Variants in RBMS1 observed in about 807,000 individuals in gnomAD.
The protein encoded by RBMS1 is RNA-binding motif, single-stranded-interacting protein 1.
In RBMS1, 17 loss-of-function variants were observed where a neutral mutation model predicts 62.3. That is an observed-to-expected ratio of 0.27 (90% CI 0.19 to 0.41). The LOEUF is 0.41. RBMS1 is among the 10% of genes least tolerant of loss of function. The probability of loss-of-function intolerance (pLI) is 1.00; values close to 1 mark genes in which losing one functional copy is unlikely to be tolerated. For missense variants in RBMS1, 334 were observed against 504.5 expected (o/e 0.66, Z 3.24); for synonymous variants, 172 against 170.0 (o/e 1.01, Z -0.09).
intron 2 of RBMS1, among the ~76,000 whole-genome samples, chr2:160,330,545 T>C (rs72972869): frequency 0.048 from 7,314 of 151,770 alleles, 291 homozygotes; most frequent in South Asian, 0.19. Flanking sequence ...ATAGGTCTTA[T>C]ACATAAGTTC....
rs375381903 is a variant in RBMS1, at chr2:160,367,408, A to G, written c.76-17T>C. The G allele has an allele frequency of 1.7e-5, 28 of 1,613,978 alleles. No individual in the cohort carries two copies. Among genetic ancestry groups the G allele is most frequent in the Non-Finnish European group, 2.3e-5 (27 of 1,179,872 alleles). ...CAGAGACTGCTGGAAAACAAAGATC[A>G]GGAGCCTTAGTATGCTAGCATTAGG... On this transcript the variant is annotated splice_polypyrimidine_tract_variant and intron_variant, in intron 1 of 13. Transcript: ENST00000348849.
In RBMS1 at chr2:160,382,475, T is replaced by G. The variant is rs751424237; in HGVS notation, c.76-15084A>C. ...CAAGAATTATAATTCAGAAAAAAATTTGAGTCCTAATAATCTTATTACCTT... is the reference window on the plus strand; with the variant it reads ...CAAGAATTATAATTCAGAAAAAAATGTGAGTCCTAATAATCTTATTACCTT... On this transcript the variant is annotated intron_variant, in intron 1 of 13. Coordinates refer to ENST00000348849, the MANE Select transcript of RBMS1 (RefSeq NM_016836.4). Among the ~76,000 whole-genome samples, 12 of 152,200 alleles carry G rather than the reference T, an allele frequency of 7.9e-5. 2 individuals are homozygous for G. The highest frequency in any genetic ancestry group is 5.2e-4 in the Admixed American group (8 of 15,276).
chr2:160,316,888 C>T (rs1276167683), intron 3 of RBMS1, among the ~76,000 whole-genome samples: 1 of 152,070 alleles, frequency 6.6e-6, no homozygotes, highest in Non-Finnish European at 1.5e-5. Context: ...GTCTATTTTT[C>T]TTTATAAAAC....
At chr2:160,355,155 G>A (rs1692726507) in intron 2 of RBMS1, among the ~76,000 whole-genome samples, 1 of 152,074 alleles carries the variant, frequency 6.6e-6, no homozygotes, top group South Asian at 2.1e-4. Flanking sequence ...ATTAAGTATT[G>A]GAGATCACTG....
chr2:160,435,366 A>G (rs915797741), intron 1 of RBMS1, among the ~76,000 whole-genome samples: 15 of 152,276 alleles, frequency 9.9e-5, no homozygotes, highest in Non-Finnish European at 1.9e-4. Flanking sequence ...GTAGGTGGAG[A>G]AGAAATTATT....
At chr2:160,357,679 G>A (rs573783747) in intron 2 of RBMS1, among the ~76,000 whole-genome samples, 4 of 152,096 alleles carry the variant, frequency 2.6e-5, no homozygotes, top group Non-Finnish European at 5.9e-5. Context: ...AGCCAGTGAA[G>A]AAGCATAGCC....
At chr2:160,426,285 GAAAGAA>G (rs1682598883) in intron 1 of RBMS1, among the ~76,000 whole-genome samples, 1 of 100,138 alleles carries the variant, frequency 1.0e-5, no homozygotes, top group Non-Finnish European at 2.0e-5. Flanking sequence ...AAGAAAGAAA[GAAAGAA>G]AAGAAAGAAG....
At chr2:160,382,093 A>G (rs984481440) in intron 1 of RBMS1, among the ~76,000 whole-genome samples, 1 of 152,170 alleles carries the variant, frequency 6.6e-6, no homozygotes, top group East Asian at 1.9e-4. Context: ...ACTAAGCTTT[A>G]TGTGTTTGGT....
chr2:160,350,206 G>A (rs1692421599), intron 2 of RBMS1, among the ~76,000 whole-genome samples: 1 of 152,000 alleles, frequency 6.6e-6, no homozygotes, highest in Non-Finnish European at 1.5e-5. Flanking sequence ...AGCACTCCGA[G>A]GACCCTGCTG....
chr2:160,470,779 C>T (rs1684884226), intron 1 of RBMS1, among the ~76,000 whole-genome samples: 1 of 152,072 alleles, frequency 6.6e-6, no homozygotes, highest in Non-Finnish European at 1.5e-5. Flanking sequence ...GTATGACCAA[C>T]CTATGAATCC....
chr2:160,489,761 C>T (rs1285122360), intron 1 of RBMS1, among the ~76,000 whole-genome samples: 1 of 152,016 alleles, frequency 6.6e-6, no homozygotes, highest in East Asian at 1.9e-4. Context: ...AATACTTCTT[C>T]ATACACAAAA....
chr2:160,467,858 G>A (rs1684756982), intron 1 of RBMS1, among the ~76,000 whole-genome samples: 1 of 152,064 alleles, frequency 6.6e-6, no homozygotes, highest in African/African-American at 2.4e-5. Context: ...GAAACAGCAA[G>A]TAGACATGTA....
At chr2:160,283,521 A>G (rs944729712) in intron 9 of RBMS1, 1 of 152,254 alleles carries the variant, frequency 6.6e-6, no homozygotes, top group African/African-American at 2.4e-5. Flanking sequence ...AGGAGGCTGT[A>G]AGAGCCTAGA....
intron 1 of RBMS1, among the ~76,000 whole-genome samples, chr2:160,481,820 A>G (rs1373463223): frequency 6.6e-6 from 1 of 152,226 alleles, no homozygotes; most frequent in Admixed American, 6.5e-5. Context: ...TCCACTCACC[A>G]GAAGGGCTAA....
chr2:160,472,482 A>T (rs1411779859), intron 1 of RBMS1, among the ~76,000 whole-genome samples: 1 of 152,234 alleles, frequency 6.6e-6, no homozygotes, highest in Non-Finnish European at 1.5e-5. Flanking sequence ...AACTAACTTT[A>T]ACAAAATATG....
intron 2 of RBMS1, among the ~76,000 whole-genome samples, chr2:160,355,988 T>A (rs1175333898): frequency 6.6e-6 from 1 of 152,132 alleles, no homozygotes; most frequent in African/African-American, 2.4e-5. Context: ...AGTGTCTTGA[T>A]CTTATGTTTT....
chr2:160,310,244 T>G (rs1389459746), intron 4 of RBMS1, among the ~76,000 whole-genome samples: 1 of 152,224 alleles, frequency 6.6e-6, no homozygotes, highest in Non-Finnish European at 1.5e-5. Context: ...TGTGCACACA[T>G]ATAACAAATG....
At chr2:160,361,428 A>G (rs1308182026) in intron 2 of RBMS1, among the ~76,000 whole-genome samples, 1 of 152,234 alleles carries the variant, frequency 6.6e-6, no homozygotes, top group Non-Finnish European at 1.5e-5. Context: ...ATGAGCAATA[A>G]TCAGGGGTGG....
rs559711592 is a variant in RBMS1 at position 160,453,623 on chromosome 2, C to T, written c.75+39666G>A. On this transcript the variant is annotated intron_variant, in intron 1 of 13. Transcript: ENST00000348849. ...CCCCTCACTCAACAATGCATTGCCA[C>T]CACTCCAGCATCATGTTTCTCAAAC... 2.2e-4 allele frequency among the ~76,000 whole-genome samples: 34 copies of T among 152,284 alleles called. No individual in the cohort carries two copies. In the South Asian group the frequency reaches 6.8e-3, roughly 31 times the overall value.
Sources: gnomAD v4.1 joint callset for allele counts (sites outside exome capture counted in the v4.1 genomes callset) on GRCh38, gnomAD v4.1.1 for gene constraint, MANE v1.5 for transcripts, NCBI Gene and HGNC (gene_info 2026-07-23, HGNC 2026-07-21) for gene names.